Variants in DENND1A observed in about 807,000 individuals in gnomAD.
The protein encoded by DENND1A is DENN domain containing 1A.
Under a neutral mutation model 113.7 loss-of-function variants are expected in DENND1A, and 51 were observed. The observed-to-expected ratio is 0.45, with a 90% confidence interval of 0.36 to 0.57. DENND1A has a LOEUF of 0.57. DENND1A is among the 20% of genes least tolerant of loss of function. The probability of loss-of-function intolerance (pLI) is 0.00; values close to 1 mark genes in which losing one functional copy is unlikely to be tolerated. For missense variants in DENND1A, 1,258 were observed against 1,395.9 expected (o/e 0.90, Z 1.57); for synonymous variants, 565 against 570.8 (o/e 0.99, Z 0.14).
intron 20 of DENND1A, among the ~76,000 whole-genome samples, chr9:123,404,557 T>C (rs2043780157): frequency 6.7e-6 from 1 of 148,606 alleles, no homozygotes; most frequent in Non-Finnish European, 1.5e-5. Context: ...CTCCACCTCC[T>C]GCCCACCCTT....
chr9:123,420,910 T>C (rs1297238650), intron 19 of DENND1A, among the ~76,000 whole-genome samples: 1 of 151,346 alleles, frequency 6.6e-6, no homozygotes, highest in African/African-American at 2.4e-5. Context: ...CCCTTTGTTT[T>C]TAGTCGGGTG....
chr9:123,558,780 C>G (rs10818837), intron 12 of DENND1A, among the ~76,000 whole-genome samples: 25,143 of 152,206 alleles, frequency 0.17, 2,167 homozygotes, highest in Admixed American at 0.2. Context: ...TCAGAGCACA[C>G]CTTTCACGCT....
chr9:123,922,413 T>G (rs1174915650), intron 1 of DENND1A, among the ~76,000 whole-genome samples: 1 of 152,244 alleles, frequency 6.6e-6, no homozygotes, highest in Non-Finnish European at 1.5e-5. Flanking sequence ...AATGCCTTAC[T>G]ATACTAACAC....
chr9:123,752,011 A>T (rs2070091155), intron 5 of DENND1A: 1 of 152,258 alleles, frequency 6.6e-6, no homozygotes. Flanking sequence ...AGTTCCTAAA[A>T]GAGTGAGGGT....
intron 5 of DENND1A, among the ~76,000 whole-genome samples, chr9:123,723,864 T>C (rs934817256): frequency 1.3e-5 from 2 of 152,222 alleles, no homozygotes; most frequent in African/African-American, 4.8e-5. Flanking sequence ...TCAAGGTTTT[T>C]AGTCTGACCA....
intron 5 of DENND1A, among the ~76,000 whole-genome samples, chr9:123,708,971 T>C (rs987110570): frequency 3.0e-4 from 45 of 152,246 alleles, no homozygotes; most frequent in Admixed American, 2.2e-3. Context: ...ATTTACAGTA[T>C]TGGGATAACT....
chr9:123,758,167 G>A (rs995791198), intron 4 of DENND1A, among the ~76,000 whole-genome samples: 1 of 152,136 alleles, frequency 6.6e-6, no homozygotes, highest in African/African-American at 2.4e-5. Context: ...GTCTAGAGAG[G>A]CATTGCCTAA....
intron 10 of DENND1A, among the ~76,000 whole-genome samples, chr9:123,625,491 C>G (rs2061164820): frequency 6.6e-6 from 1 of 152,240 alleles, no homozygotes; most frequent in African/African-American, 2.4e-5. Context: ...TGCCTGTAAT[C>G]CCAGTACTTT....
At chr9:123,506,003 C>A (rs2052899921) in intron 13 of DENND1A, among the ~76,000 whole-genome samples, 1 of 151,912 alleles carries the variant, frequency 6.6e-6, no homozygotes, top group Admixed American at 6.6e-5. Flanking sequence ...TGCGCCTGAG[C>A]CGAAAGTTTC....
chr9:123,610,728 A>G (rs1001746701), intron 10 of DENND1A, among the ~76,000 whole-genome samples: 26 of 152,162 alleles, frequency 1.7e-4, no homozygotes, highest in African/African-American at 6.0e-4. Context: ...CAGCTGGTAG[A>G]GTAGAGGTGG....
chr9:123,817,234 C>T (rs1554769858), intron 2 of DENND1A, among the ~76,000 whole-genome samples: 4 of 152,132 alleles, frequency 2.6e-5, no homozygotes, highest in Non-Finnish European at 1.5e-5. Flanking sequence ...AGATTATTAC[C>T]TTCCCTAGAA....
intron 9 of DENND1A, among the ~76,000 whole-genome samples, chr9:123,644,795 G>A (rs1265760593): frequency 6.6e-6 from 1 of 152,124 alleles, no homozygotes; most frequent in East Asian, 1.9e-4. Flanking sequence ...ACATGACCTT[G>A]GGCAAGTTAT....
chr9:123,415,805 G>A (rs535681729), intron 19 of DENND1A, among the ~76,000 whole-genome samples: 66 of 152,336 alleles, frequency 4.3e-4, no homozygotes, highest in African/African-American at 1.4e-3. Flanking sequence ...TGGACACGCT[G>A]CTGGGGAGGC....
At chr9:123,464,474 A>G (rs2048775381) in intron 13 of DENND1A, among the ~76,000 whole-genome samples, 1 of 152,236 alleles carries the variant, frequency 6.6e-6, no homozygotes, top group Non-Finnish European at 1.5e-5. Context: ...AAGTGAAATA[A>G]GCCAGTCGCA....
chr9:123,909,364 AAAC>A (rs1301038519), intron 1 of DENND1A, among the ~76,000 whole-genome samples: 3 of 139,674 alleles, frequency 2.1e-5, no homozygotes, highest in African/African-American at 7.7e-5. Context: ...AAAATAAAAA[AAAC>A]AATAAAAAAA....
At chr9:123,850,086 C>T (rs1015356964) in intron 2 of DENND1A, among the ~76,000 whole-genome samples, 5 of 152,220 alleles carry the variant, frequency 3.3e-5, no homozygotes, top group Non-Finnish European at 5.9e-5. Context: ...TATAATATTA[C>T]ACAAACCTGG....
At chr9:123,824,347 T>C (rs901081337) in intron 2 of DENND1A, among the ~76,000 whole-genome samples, 9 of 152,156 alleles carry the variant, frequency 5.9e-5, no homozygotes, top group Non-Finnish European at 1.0e-4. Context: ...TTGCCAACAA[T>C]AGATTGAAAG....
intron 5 of DENND1A, among the ~76,000 whole-genome samples, chr9:123,727,459 A>G (rs767702524): frequency 4.6e-5 from 7 of 152,240 alleles, no homozygotes; most frequent in Non-Finnish European, 8.8e-5. Flanking sequence ...ACCTATCCAG[A>G]GAACAGCACT....
At chr9:123,691,848 G>A (rs375960107) in intron 5 of DENND1A, among the ~76,000 whole-genome samples, 11 of 152,270 alleles carry the variant, frequency 7.2e-5, no homozygotes, top group Middle Eastern at 3.4e-3. Context: ...GAGGGCCTCC[G>A]TCAGTGCTCT....
Sources: gnomAD v4.1 joint callset for allele counts (sites outside exome capture counted in the v4.1 genomes callset) on GRCh38, gnomAD v4.1.1 for gene constraint, MANE v1.5 for transcripts, NCBI Gene and HGNC (gene_info 2026-07-23, HGNC 2026-07-21) for gene names.